The following PDE10A variants were observed in gnomAD, a reference collection of about 807,000 sequenced individuals.
PDE10A encodes the protein cAMP and cAMP-inhibited cGMP 3',5'-cyclic phosphodiesterase 10A.
In PDE10A, 39 loss-of-function variants were observed where a neutral mutation model predicts 97.7. The observed-to-expected ratio is 0.40, with a 90% CI of 0.31 to 0.52. The LOEUF (loss-of-function observed/expected upper bound fraction) is 0.52. Among genes scored for constraint, PDE10A ranks in the 20% least tolerant of loss-of-function variants. The pLI is 0.56. For synonymous variants in PDE10A, 371 were observed against 376.8 expected (o/e 0.98, Z 0.18); for missense variants, 731 against 1,047.8 (o/e 0.70, Z 4.17).
At chr6:165,785,498 C>G (rs779733618) in intron 1 of PDE10A, among the ~76,000 whole-genome samples, 27 of 152,140 alleles carry the variant, frequency 1.8e-4, no homozygotes, top group Non-Finnish European at 3.5e-4. Context: ...AGTCTCAGTG[C>G]TAAGAAAATA....
At chr6:165,593,508 A>G (rs1786406758) in intron 1 of PDE10A, among the ~76,000 whole-genome samples, 1 of 152,188 alleles carries the variant, frequency 6.6e-6, no homozygotes, top group Admixed American at 6.5e-5. Flanking sequence ...CAGTATTCTG[A>G]TATGATCAAA....
At chr6:165,735,073 T>C (rs1033367528) in intron 1 of PDE10A, among the ~76,000 whole-genome samples, 1 of 151,268 alleles carries the variant, frequency 6.6e-6, no homozygotes. Flanking sequence ...GGTAGGTAGG[T>C]AGGTAGGTTT....
intron 1 of PDE10A, among the ~76,000 whole-genome samples, chr6:165,721,202 C>G (rs1445320441): frequency 6.6e-6 from 1 of 152,106 alleles, no homozygotes. Flanking sequence ...GGGTGTGGCA[C>G]AGGGTTTTCT....
intron 1 of PDE10A, among the ~76,000 whole-genome samples, chr6:165,715,055 C>T (rs926061535): frequency 2.0e-5 from 3 of 152,352 alleles, no homozygotes; most frequent in African/African-American, 7.2e-5. Flanking sequence ...CCACGGGCCG[C>T]GAGGGTAGAG....
intron 1 of PDE10A, among the ~76,000 whole-genome samples, chr6:165,906,840 C>T (rs1782299741): frequency 6.6e-6 from 1 of 152,218 alleles, no homozygotes. Context: ...AGTAAAGAGA[C>T]TATTGGCCAA....
At chr6:165,598,593 T>C (rs960595342) in intron 1 of PDE10A, among the ~76,000 whole-genome samples, 10 of 152,222 alleles carry the variant, frequency 6.6e-5, no homozygotes, top group South Asian at 4.1e-4. Flanking sequence ...GTGATAATAA[T>C]AGTATCAATC....
chr6:165,740,630 GC>G (rs1414791281), intron 1 of PDE10A, among the ~76,000 whole-genome samples: 4 of 152,114 alleles, frequency 2.6e-5, no homozygotes, highest in Admixed American at 6.5e-5. Flanking sequence ...ACCACTCCTG[GC>G]CTGTGTGATG....
chr6:165,406,897 G>A (rs567349635), intron 13 of PDE10A, among the ~76,000 whole-genome samples: 1 of 152,078 alleles, frequency 6.6e-6, no homozygotes, highest in African/African-American at 2.4e-5. Flanking sequence ...TCTGGCCTTT[G>A]GAGTTTAACT....
At chr6:165,769,612 A>G (rs1777951112) in intron 1 of PDE10A, among the ~76,000 whole-genome samples, 2 of 152,222 alleles carry the variant, frequency 1.3e-5, no homozygotes, top group African/African-American at 4.8e-5. Context: ...TTTAATTGCT[A>G]ATAGTTTTTT....
intron 1 of PDE10A, among the ~76,000 whole-genome samples, chr6:165,546,966 G>A (rs1375265748): frequency 6.6e-6 from 1 of 152,044 alleles, no homozygotes; most frequent in Non-Finnish European, 1.5e-5. Flanking sequence ...AGCACCTAGA[G>A]CTTGGTTGCT....
intron 1 of PDE10A, among the ~76,000 whole-genome samples, chr6:165,594,269 A>AT (rs1786452205): frequency 1.3e-5 from 2 of 152,362 alleles, no homozygotes; most frequent in African/African-American, 4.8e-5. Context: ...AATAAGGGAA[A>AT]TGTTGTGCCA....
At chr6:165,468,335 G>A (rs1172079563) in intron 3 of PDE10A, among the ~76,000 whole-genome samples, 4 of 151,524 alleles carry the variant, frequency 2.6e-5, no homozygotes, top group Non-Finnish European at 4.4e-5. Context: ...TGATCCGCCC[G>A]CCTCAGCCTC....
intron 3 of PDE10A, among the ~76,000 whole-genome samples, chr6:165,456,363 C>T (rs1208912483): frequency 2.0e-5 from 3 of 152,154 alleles, no homozygotes; most frequent in African/African-American, 4.8e-5. Flanking sequence ...TCATTTTCCA[C>T]GTGGAAGAAA....
At chr6:165,783,935 C>T (rs571477500) in intron 1 of PDE10A, among the ~76,000 whole-genome samples, 1 of 152,242 alleles carries the variant, frequency 6.6e-6, no homozygotes, top group Admixed American at 6.5e-5. Flanking sequence ...AGCTGTCTGC[C>T]TTGGCCGGGC....
chr6:165,947,919 C>T (rs1028793542), intron 1 of PDE10A, among the ~76,000 whole-genome samples: 47 of 152,170 alleles, frequency 3.1e-4, no homozygotes, highest in African/African-American at 1.1e-3. Flanking sequence ...AGGTAATGTC[C>T]TATCAAACAG....
chr6:165,373,979 G>A (rs1784438775), intron 18 of PDE10A, among the ~76,000 whole-genome samples: 1 of 148,910 alleles, frequency 6.7e-6, no homozygotes, highest in South Asian at 2.1e-4. Flanking sequence ...CTATCGCAAG[G>A]ACAAAAAACC....
intron 1 of PDE10A, among the ~76,000 whole-genome samples, chr6:165,955,217 G>A (rs571969233): frequency 9.9e-5 from 15 of 152,258 alleles, no homozygotes; most frequent in South Asian, 8.3e-4. Flanking sequence ...GGTCGTGCTC[G>A]GTGTATAGGG....
chr6:165,336,469 G>A (rs894741681), intron 20 of PDE10A, among the ~76,000 whole-genome samples: 6 of 152,126 alleles, frequency 3.9e-5, no homozygotes, highest in Non-Finnish European at 8.8e-5. Flanking sequence ...CTGAAATCTG[G>A]CCGGGCGCGG....
At chr6:165,356,205 T>G (rs1219305367) in intron 18 of PDE10A, among the ~76,000 whole-genome samples, 1 of 152,040 alleles carries the variant, frequency 6.6e-6, no homozygotes, top group African/African-American at 2.4e-5. Flanking sequence ...CAATCCGAGA[T>G]GAGATTTAGG....
Sources: gnomAD v4.1 joint callset for allele counts (sites outside exome capture counted in the v4.1 genomes callset) on GRCh38, gnomAD v4.1.1 for gene constraint, MANE v1.5 for transcripts, NCBI Gene and HGNC (gene_info 2026-07-23, HGNC 2026-07-21) for gene names.